The following PCDHA8 variants were observed in gnomAD, a reference collection of about 807,000 sequenced individuals.
The protein encoded by PCDHA8 is protocadherin alpha 8.
A neutral mutation model predicts 61.8 loss-of-function variants in PCDHA8; 53 were observed. That is an observed-to-expected ratio of 0.86 (90% CI 0.69 to 1.08). The LOEUF is 1.08. Ranked by LOEUF, PCDHA8 falls within the 50% of genes least tolerant of loss-of-function variation. PCDHA8 has a pLI of 0.00. For missense variants in PCDHA8, 1,293 were observed against 1,245.0 expected (o/e 1.04, Z -0.58); for synonymous variants, 618 against 556.6 (o/e 1.11, Z -1.55).
intron 3 of PCDHA8, among the ~76,000 whole-genome samples, chr5:141,004,826 G>A (rs2098183640): frequency 6.6e-6 from 1 of 152,112 alleles, no homozygotes; most frequent in East Asian, 1.9e-4. Flanking sequence ...GATTAACTTA[G>A]ATAGATCAAA....
chr5:140,967,012 G>C (rs1554229065), intron 1 of PCDHA8: 1 of 1,606,656 alleles, frequency 6.2e-7, no homozygotes, highest in African/African-American at 1.3e-5. Flanking sequence ...TCAACCATCT[G>C]GGTGCGCCCA....
chr5:140,931,111 G>A (rs1584701423), intron 1 of PCDHA8, among the ~76,000 whole-genome samples: 2 of 152,116 alleles, frequency 1.3e-5, no homozygotes, highest in East Asian at 3.8e-4. Flanking sequence ...TAATAGGTAT[G>A]CACATCATTA....
chr5:140,859,463 A>C (rs1189832254), intron 1 of PCDHA8: 1 of 215,224 alleles, frequency 4.6e-6, no homozygotes, highest in African/African-American at 2.3e-5. Context: ...ACAAAACTAC[A>C]CTATCAATTG....
Position 140,848,651 on chromosome 5 carries a change from G to A in PCDHA8, c.2394+4936G>A. ...TCGTGGGCCGCATCGCGCAGGACCT[G>A]GGGCTGGAGCTGGCGGAGCTGGTGC... is the stretch of plus-strand genomic sequence containing the variant. On this transcript the variant is annotated intron_variant, in intron 1 of 3. Transcript: ENST00000531613. The A allele has an allele frequency of 1.3e-6, 2 of 1,592,962 alleles. 1 individual carries two copies. The highest frequency in any genetic ancestry group is 1.7e-6 in the Non-Finnish European group (2 of 1,163,756).
chr5:140,966,428 C>T (rs1297076694), intron 1 of PCDHA8: 6 of 423,554 alleles, frequency 1.4e-5, no homozygotes, highest in Non-Finnish European at 1.2e-5. Flanking sequence ...TTGCTGAGCC[C>T]TCCTACCGCT....
At chr5:140,913,379 C>T (rs1554195889) in intron 1 of PCDHA8, among the ~76,000 whole-genome samples, 1 of 152,134 alleles carries the variant, frequency 6.6e-6, no homozygotes, top group Non-Finnish European at 1.5e-5. Context: ...CATATAGTGG[C>T]TCATCATAGC....
At chr5:140,868,198 C>T (rs1220217511) in intron 1 of PCDHA8, 2 of 152,058 alleles carry the variant, frequency 1.3e-5, no homozygotes, top group East Asian at 1.9e-4. Context: ...CTATGGCTTA[C>T]ATTAGAAATA....
At chr5:140,844,316 A>C (rs1554140608) in intron 1 of PCDHA8, among the ~76,000 whole-genome samples, 1 of 149,428 alleles carries the variant, frequency 6.7e-6, no homozygotes, top group Non-Finnish European at 1.5e-5. Flanking sequence ...ATTCTTCCTA[A>C]TTTTATTATA....
At chr5:140,928,122 A>C in intron 1 of PCDHA8, 1 of 1,614,196 alleles carries the variant, frequency 6.2e-7, no homozygotes, top group Non-Finnish European at 8.5e-7. Context: ...AGATCAGTGA[A>C]TACCAAGTCC....
intron 1 of PCDHA8, among the ~76,000 whole-genome samples, chr5:140,919,230 A>G (rs56002): frequency 0.32 from 48,085 of 151,928 alleles, 7,955 homozygotes; most frequent in East Asian, 0.53. Flanking sequence ...TTCTAGTAAC[A>G]CTTTTTGTCT....
intron 1 of PCDHA8, chr5:140,882,984 C>T (rs2059393576): frequency 2.5e-6 from 4 of 1,614,178 alleles, no homozygotes; most frequent in Non-Finnish European, 2.5e-6. Flanking sequence ...AATGACAACG[C>T]CCCGGAATTT....
At chr5:140,967,029 G>C (rs1554229079) in intron 1 of PCDHA8, 4 of 1,608,938 alleles carry the variant, frequency 2.5e-6, no homozygotes, top group East Asian at 2.2e-5. Flanking sequence ...CCCAGTCCGC[G>C]CTACCTGGAG....
chr5:141,002,218 A>T (rs782352324), intron 3 of PCDHA8, among the ~76,000 whole-genome samples: 124 of 152,272 alleles, frequency 8.1e-4, no homozygotes, highest in Admixed American at 3.6e-3. Context: ...AATCAAAATG[A>T]TGGGTTTTCT....
At position 140,885,285 on chromosome 5, in the gene PCDHA8, T is replaced by G. The variant is rs146462007; in HGVS notation, c.2394+41570T>G. On this transcript the variant is annotated intron_variant, in intron 1 of 3. Transcript: ENST00000531613. ...ACTCATACATATATATATACATATA[T>G]AGAGAGAGACCTGGTAGGCTTTTTG... 7.5e-4 allele frequency among the ~76,000 whole-genome samples: 114 copies of G among 152,298 alleles called. No individual in the cohort carries two copies. In the East Asian group the frequency reaches 9.8e-3, roughly 13 times the overall value.
intron 1 of PCDHA8, among the ~76,000 whole-genome samples, chr5:140,873,728 T>C (rs1208346643): frequency 6.6e-6 from 1 of 152,190 alleles, no homozygotes; most frequent in African/African-American, 2.4e-5. Flanking sequence ...TGGCGCAATC[T>C]CAGCTCACTG....
In PCDHA8 at chr5:140,876,046, C is replaced by T. The variant is rs781957967; in HGVS notation, c.2394+32331C>T. 1.5e-5 allele frequency: 24 copies of T among 1,613,720 alleles called. No individual in the cohort carries two copies. The Admixed American group carries it at 1.7e-4, about 11-fold the overall frequency. Reference sequence around the variant, plus strand: ...AACAAAAAAAGATAAAAGTATATTGCCTGAATTAGTTCTTCGGAAGTTATT... The same window carrying T: ...AACAAAAAAAGATAAAAGTATATTGTCTGAATTAGTTCTTCGGAAGTTATT... On this transcript the variant is annotated intron_variant, in intron 1 of 3. Transcript: ENST00000531613.
intron 1 of PCDHA8, among the ~76,000 whole-genome samples, chr5:140,880,156 A>C (rs1301821759): frequency 6.6e-6 from 1 of 152,250 alleles, no homozygotes; most frequent in Non-Finnish European, 1.5e-5. Context: ...TATATCAAGT[A>C]TATGTTAGAA....
In PCDHA8 at chr5:140,843,690, A is replaced by G. The variant is rs2150365181; in HGVS notation, c.2369A>G (p.Asp790Gly). 2 of 1,587,072 alleles carry G rather than the reference A, an allele frequency of 1.3e-6. No individual in the cohort carries two copies. Among genetic ancestry groups the G allele is most frequent in the Admixed American group, 3.4e-5 (2 of 59,168 alleles). Residue 790 changes from aspartate to glycine, a missense_variant, in exon 1 of 4, where the codon GAT becomes GGT. Physicochemically the swap from Asp to Gly is moderately conservative, Grantham distance 94 (BLOSUM62 -1). Transcript: ENST00000531613. ...LGSVDVGEEQ[D>G]LNVDHGLKPR... ...TCAGTTGATGTAGGCGAAGAGCAAGATTTAAATGTTGATCATGGCCTCAAA... is the reference window on the plus strand; with the variant it reads ...TCAGTTGATGTAGGCGAAGAGCAAGGTTTAAATGTTGATCATGGCCTCAAA...
At chr5:141,008,923 C>T (rs2098394604) in intron 3 of PCDHA8, among the ~76,000 whole-genome samples, 1 of 152,160 alleles carries the variant, frequency 6.6e-6, no homozygotes. Flanking sequence ...ATTTATTCAG[C>T]TAATTTTTCT....
Sources: gnomAD v4.1 joint callset for allele counts (sites outside exome capture counted in the v4.1 genomes callset) on GRCh38, gnomAD v4.1.1 for gene constraint, MANE v1.5 for transcripts, NCBI Gene and HGNC (gene_info 2026-07-23, HGNC 2026-07-21) for gene names.